MMP16: variants seen among roughly 807,000 people sequenced by gnomAD.
The protein encoded by MMP16 is matrix metalloproteinase-16.
MMP16 carries 12 observed loss-of-function variants against 67.8 expected under a neutral mutation model. The ratio of observed to expected loss-of-function variants is 0.18; its 90% CI spans 0.11 to 0.29. The LOEUF (loss-of-function observed/expected upper bound fraction) is 0.29, where lower values mean the gene tolerates loss of function less well. MMP16 is among the 10% of genes least tolerant of loss of function. MMP16 has a pLI of 1.00. For synonymous variants in MMP16, 249 were observed against 255.9 expected (o/e 0.97, Z 0.26); for missense variants, 475 against 765.7 (o/e 0.62, Z 4.48).
intron 6 of MMP16, among the ~76,000 whole-genome samples, chr8:88,105,466 C>A (rs1256444816): frequency 6.6e-6 from 1 of 151,370 alleles, no homozygotes; most frequent in Admixed American, 6.6e-5. Flanking sequence ...TCTACAGTTT[C>A]TTTAAAATAG....
rs775821979 is a variant in MMP16, at chr8:88,207,496, AC to A, written c.133-10191del. On this transcript the variant is annotated intron_variant, in intron 1 of 9. Transcript: ENST00000286614. ...TATTGTGTTTACTGCAATACCATAA[AC>A]CTTGAATAATACCATGGAACCCATA... Among the ~76,000 whole-genome samples the A allele has an allele frequency of 2.8e-4, 43 of 152,268 alleles. No individual in the cohort carries two copies. In the South Asian group the frequency reaches 8.7e-3, roughly 31 times the overall value.
intron 4 of MMP16, among the ~76,000 whole-genome samples, chr8:88,164,499 C>A (rs541691317): frequency 6.6e-6 from 1 of 152,226 alleles, no homozygotes; most frequent in East Asian, 1.9e-4. Context: ...TGACACTACT[C>A]TAGCTGCCCT....
intron 3 of MMP16, among the ~76,000 whole-genome samples, chr8:88,169,833 C>T (rs1369499905): frequency 6.6e-6 from 1 of 151,986 alleles, no homozygotes; most frequent in South Asian, 2.1e-4. Flanking sequence ...AAGGTAGGTC[C>T]CCGAAGGCCA....
At chr8:88,110,106 T>G (rs1809308766) in intron 6 of MMP16, among the ~76,000 whole-genome samples, 1 of 151,410 alleles carries the variant, frequency 6.6e-6, no homozygotes, top group African/African-American at 2.4e-5. Context: ...AACATTGCTT[T>G]ATACCACTGA....
intron 7 of MMP16, among the ~76,000 whole-genome samples, chr8:88,069,771 T>C (rs552863455): frequency 2.6e-5 from 4 of 152,254 alleles, no homozygotes; most frequent in African/African-American, 9.6e-5. Context: ...TCCATCCTTT[T>C]CTCTAACTCA....
chr8:88,289,969 T>C (rs1406572723), intron 1 of MMP16, among the ~76,000 whole-genome samples: 1 of 152,082 alleles, frequency 6.6e-6, no homozygotes, highest in Non-Finnish European at 1.5e-5. Flanking sequence ...TGAAAGCTGA[T>C]ATCTGAAGGC....
At chr8:88,161,308 C>T (rs754525576) in intron 4 of MMP16, among the ~76,000 whole-genome samples, 6 of 152,170 alleles carry the variant, frequency 3.9e-5, no homozygotes, top group Admixed American at 3.9e-4. Flanking sequence ...TTATCCATTT[C>T]TTCTAGATTT....
At chr8:88,166,287 T>A (rs1808709016) in intron 4 of MMP16, among the ~76,000 whole-genome samples, 1 of 151,990 alleles carries the variant, frequency 6.6e-6, no homozygotes, top group African/African-American at 2.4e-5. Flanking sequence ...TATAGTTGAA[T>A]AACATTCTAC....
At chr8:88,148,327 A>G (rs1808329722) in intron 4 of MMP16, among the ~76,000 whole-genome samples, 1 of 152,206 alleles carries the variant, frequency 6.6e-6, no homozygotes, top group Admixed American at 6.5e-5. Flanking sequence ...CCTGGAGATT[A>G]ATCTATTGTT....
At chr8:88,142,809 C>T (rs1330193301) in intron 4 of MMP16, among the ~76,000 whole-genome samples, 1 of 151,914 alleles carries the variant, frequency 6.6e-6, no homozygotes, top group Non-Finnish European at 1.5e-5. Flanking sequence ...TCTTCCCCAC[C>T]CTACACGTTA....
chr8:88,265,524 C>T (rs1265282283), intron 1 of MMP16, among the ~76,000 whole-genome samples: 1 of 151,916 alleles, frequency 6.6e-6, no homozygotes, highest in Non-Finnish European at 1.5e-5. Context: ...ACAGAGACAA[C>T]CTAGTAAAAT....
intron 1 of MMP16, among the ~76,000 whole-genome samples, chr8:88,290,059 A>G (rs937173120): frequency 1.3e-5 from 2 of 152,190 alleles, no homozygotes; most frequent in Non-Finnish European, 2.9e-5. Context: ...GTGCATATCC[A>G]TAAATGACCA....
chr8:88,248,713 G>A (rs1312165505), intron 1 of MMP16, among the ~76,000 whole-genome samples: 17 of 151,334 alleles, frequency 1.1e-4, no homozygotes. Context: ...TGCTTAGTGT[G>A]GCAACTGGAA....
intron 2 of MMP16, among the ~76,000 whole-genome samples, chr8:88,195,174 A>C (rs1809230720): frequency 6.6e-6 from 1 of 152,134 alleles, no homozygotes; most frequent in Admixed American, 6.6e-5. Flanking sequence ...ACCTCCTCAC[A>C]AAAACCTTCC....
chr8:88,160,405 TATTGTGAATAGTGACGCA>T (rs1808597600), intron 4 of MMP16, among the ~76,000 whole-genome samples: 1 of 151,978 alleles, frequency 6.6e-6, no homozygotes, highest in African/African-American at 2.4e-5. Flanking sequence ...AAGTCTTTGC[TATTGTGAATAGTGACGCA>T]ATAAATTTAC....
At chr8:88,219,967 G>T (rs1317956184) in intron 1 of MMP16, among the ~76,000 whole-genome samples, 4 of 152,074 alleles carry the variant, frequency 2.6e-5, no homozygotes, top group African/African-American at 9.7e-5. Context: ...GTAAATGAAT[G>T]TAATATATTT....
rs759000122 is a variant in MMP16 at position 88,161,889 on chromosome 8, T to A, written c.709+5780A>T. Among the ~76,000 whole-genome samples the A allele has an allele frequency of 4.5e-4, 68 of 152,116 alleles. 2 individuals carry two copies. Among genetic ancestry groups the A allele is most frequent in the Non-Finnish European group, 1.0e-4 (7 of 68,018 alleles). ...TCTGAGTGAGTTTCTTAATCCTGAG[T>A]TCTAGTTTGATTGCGCTGTGGTCTG... On this transcript the variant is annotated intron_variant, in intron 4 of 9. Coordinates refer to ENST00000286614, the MANE Select transcript of MMP16 (RefSeq NM_005941.5).
chr8:88,105,431 T>C (rs948307648), intron 6 of MMP16, among the ~76,000 whole-genome samples: 1 of 151,538 alleles, frequency 6.6e-6, no homozygotes, highest in African/African-American at 2.4e-5. Flanking sequence ...ACCTTTAAAA[T>C]TGGACTCATT....
At chr8:88,301,410 T>C (rs576882296) in intron 1 of MMP16, among the ~76,000 whole-genome samples, 7 of 152,172 alleles carry the variant, frequency 4.6e-5, no homozygotes, top group Non-Finnish European at 1.0e-4. Context: ...AGCAGGAAAA[T>C]AGCTATTTTC....
Sources: allele counts gnomAD v4.1 joint callset (sites outside exome capture counted in the v4.1 genomes callset), GRCh38; gene constraint gnomAD v4.1.1; transcripts MANE v1.5; gene names NCBI Gene and HGNC (gene_info 2026-07-23, HGNC 2026-07-21).